Variants in CRHBP observed in about 807,000 individuals in gnomAD.
CRHBP encodes the protein corticotropin releasing hormone binding protein.
CRHBP carries 19 observed loss-of-function variants against 34.9 expected under a neutral mutation model. The ratio of observed to expected loss-of-function variants is 0.55; its 90% confidence interval spans 0.38 to 0.80. The LOEUF is 0.80. Among genes scored for constraint, CRHBP ranks in the 30% least tolerant of loss-of-function variants. The pLI is 0.00. For synonymous variants in CRHBP, 154 were observed against 153.4 expected (o/e 1.00, Z -0.03); for missense variants, 328 against 409.2 (o/e 0.80, Z 1.71).
At chr5:76,980,630 A>G (rs947331069) in intron 3 of CRHBP, among the ~76,000 whole-genome samples, 1 of 152,222 alleles carries the variant, frequency 6.6e-6, no homozygotes, top group Non-Finnish European at 1.5e-5. Flanking sequence ...GTTGCTGTGA[A>G]GACAATTTTC....
At chr5:76,963,276 T>G in intron 5 of CRHBP, 67 bp from the exon 6 acceptor site, 4 of 1,329,750 alleles carry the variant, frequency 3.0e-6, no homozygotes, top group Non-Finnish European at 4.3e-6. Context: ...GGACCCGCTG[T>G]TGGTCAAATG....
intron 5 of CRHBP, among the ~76,000 whole-genome samples, chr5:76,962,648 G>A (rs1745797834): frequency 6.6e-6 from 1 of 151,672 alleles, no homozygotes; most frequent in African/African-American, 2.4e-5. Flanking sequence ...GGGGAAGCAG[G>A]AAAAGGTGAT....
chr5:76,975,849 CGCATATATAT>C (rs1431731348), intron 2 of CRHBP, among the ~76,000 whole-genome samples: 5 of 87,480 alleles, frequency 5.7e-5, no homozygotes, highest in Non-Finnish European at 8.0e-5. Context: ...TATATATACA[CGCATATATAT>C]ATACACACAC....
At position 76,963,447 on chromosome 5, in the gene CRHBP, C is replaced by T; in HGVS notation, c.798C>T (p.Pro266=). 6.2e-7 allele frequency: 1 copy of T among 1,613,422 alleles called. No individual in the cohort carries two copies. The highest frequency in any genetic ancestry group is 8.5e-7 in the Non-Finnish European group (1 of 1,179,454). ...KMTPLADLCY[P]FHGPAQMKVG... ...CGCCTTTAGCTGATCTCTGCTACCC[C>T]TTTCATGGCCCGGGTGAGGTATTTC... Residue 266 remains proline (P), a synonymous_variant, in exon 6 of 7, where the codon CCC becomes CCT. Coordinates refer to ENST00000274368, the MANE Select transcript of CRHBP (RefSeq NM_001882.4).
chr5:76,970,544 G>T (rs964734), downstream of CRHBP, among the ~76,000 whole-genome samples: 58,430 of 151,774 alleles, frequency 0.38, 11,485 homozygotes, highest in East Asian at 0.57. Flanking sequence ...ATGGATGGAT[G>T]GATGGATGAC....
chr5:76,973,193 T>C (rs896066638), downstream of CRHBP, among the ~76,000 whole-genome samples: 5 of 152,248 alleles, frequency 3.3e-5, no homozygotes, highest in Non-Finnish European at 7.3e-5. Context: ...TGGGCCTGTC[T>C]AAATCCAATT....
intron 6 of CRHBP, among the ~76,000 whole-genome samples, chr5:76,968,503 C>T (rs1745896133): frequency 6.6e-6 from 1 of 152,108 alleles, no homozygotes; most frequent in African/African-American, 2.4e-5. Flanking sequence ...TGTTCTTGCA[C>T]ATGAGGAGAA....
intron 3 of CRHBP, among the ~76,000 whole-genome samples, chr5:76,979,346 C>T (rs1365393012): frequency 1.3e-5 from 2 of 151,896 alleles, no homozygotes; most frequent in African/African-American, 2.4e-5. Context: ...CCACTGTGCC[C>T]GGCCAACAAT....
intron 3 of CRHBP, among the ~76,000 whole-genome samples, chr5:76,980,700 G>C (rs1746106877): frequency 6.6e-6 from 1 of 152,186 alleles, no homozygotes; most frequent in Non-Finnish European, 1.5e-5. Context: ...TCCGTAAGTT[G>C]GGTGGGCCTC....
intron 6 of CRHBP, among the ~76,000 whole-genome samples, chr5:76,963,740 G>A (rs886937521): frequency 2.6e-5 from 4 of 151,798 alleles, no homozygotes; most frequent in African/African-American, 9.7e-5. Context: ...ATTTTCTTGG[G>A]GGTCTCTGCT....
At chr5:76,959,051 C>A in intron 5 of CRHBP, 162 bp downstream of exon 5, 2 of 630,112 alleles carry the variant, frequency 3.2e-6, no homozygotes, top group South Asian at 3.2e-5. Flanking sequence ...CTTTGACTAA[C>A]CCCCTCTTCT....
chr5:76,971,061 G>A (rs549657488), downstream of CRHBP, among the ~76,000 whole-genome samples: 1 of 152,266 alleles, frequency 6.6e-6, no homozygotes, highest in East Asian at 1.9e-4. Flanking sequence ...TGAAATCTCC[G>A]GGGGAGATTT....
At chr5:76,975,823 A>T (rs865941738) in intron 2 of CRHBP, among the ~76,000 whole-genome samples, 2,059 of 75,260 alleles carry the variant, frequency 0.027, 23 homozygotes, top group African/African-American at 0.041. Context: ...AAAAAAAAAA[A>T]AAATATATAT....
intron 5 of CRHBP, among the ~76,000 whole-genome samples, chr5:76,961,047 A>G (rs1381496925): frequency 6.6e-6 from 1 of 152,132 alleles, no homozygotes; most frequent in Non-Finnish European, 1.5e-5. Context: ...GATTACAAAC[A>G]TGAGCCACTG....
intron 3 of CRHBP, 40 bp downstream of exon 3, chr5:76,954,226 CA>C (rs1474830741): frequency 1.3e-6 from 2 of 1,598,812 alleles, no homozygotes; most frequent in Non-Finnish European, 8.5e-7. Context: ...CGGAGGGCGG[CA>C]CGGGAGGGTT....
chr5:76,960,405 T>G (rs1745757771), intron 5 of CRHBP, among the ~76,000 whole-genome samples: 1 of 151,908 alleles, frequency 6.6e-6, no homozygotes, highest in African/African-American at 2.4e-5. Flanking sequence ...AGGGCCAGAG[T>G]GTGGTGAGCC....
intron 2 of CRHBP, among the ~76,000 whole-genome samples, chr5:76,974,606 C>T (rs559826810): frequency 2.2e-4 from 34 of 152,018 alleles, no homozygotes; most frequent in Non-Finnish European, 4.7e-4. Context: ...AAAGAAATGC[C>T]TATTGTAGGG....
chr5:76,972,785 C>A (rs1482633784), downstream of CRHBP, among the ~76,000 whole-genome samples: 2 of 152,224 alleles, frequency 1.3e-5, no homozygotes, highest in Non-Finnish European at 2.9e-5. Flanking sequence ...CTCCCTGGTA[C>A]TGTTGCTTCA....
At chr5:76,978,734 G>C (rs150724190) in intron 3 of CRHBP, among the ~76,000 whole-genome samples, 4 of 152,132 alleles carry the variant, frequency 2.6e-5, no homozygotes, top group African/African-American at 9.7e-5. Flanking sequence ...AAAGAAAGCG[G>C]TTTCTTGAGA....
Sources: gnomAD v4.1 joint callset for allele counts (sites outside exome capture counted in the v4.1 genomes callset) on GRCh38, gnomAD v4.1.1 for gene constraint, MANE v1.5 for transcripts, NCBI Gene and HGNC (gene_info 2026-07-23, HGNC 2026-07-21) for gene names.